RBFOX1: variants seen among roughly 807,000 people sequenced by gnomAD.
RBFOX1 encodes the protein RNA binding fox-1 homolog 1.
A neutral mutation model predicts 57.7 loss-of-function variants in RBFOX1; 8 were observed. The ratio of observed to expected loss-of-function variants is 0.14; its 90% CI spans 0.08 to 0.25. The LOEUF is 0.25. Among genes scored for constraint, RBFOX1 ranks in the 10% least tolerant of loss-of-function variants. The probability of loss-of-function intolerance (pLI) is 1.00; values close to 1 mark genes in which losing one functional copy is unlikely to be tolerated. For missense variants in RBFOX1, 611 were observed against 548.5 expected (o/e 1.11, Z -1.14); for synonymous variants, 326 against 222.4 (o/e 1.47, Z -4.15).
intron 1 of RBFOX1, among the ~76,000 whole-genome samples, chr16:6,169,848 T>A (rs201211435): frequency 5.8e-5 from 7 of 120,158 alleles, no homozygotes; most frequent in Admixed American, 9.4e-5. Context: ...CACTGCAACC[T>A]CTGCCACCTG....
chr16:6,851,061 G>T (rs2094032548), intron 3 of RBFOX1, among the ~76,000 whole-genome samples: 1 of 152,158 alleles, frequency 6.6e-6, no homozygotes, highest in Non-Finnish European at 1.5e-5. Flanking sequence ...AATTATTGAT[G>T]ATAGACACAC....
chr16:6,075,261 C>G (rs1214428666), intron 1 of RBFOX1, among the ~76,000 whole-genome samples: 1 of 152,136 alleles, frequency 6.6e-6, no homozygotes, highest in Non-Finnish European at 1.5e-5. Flanking sequence ...CTTTGATGAG[C>G]TTTGAGAAAT....
In RBFOX1 at chr16:6,128,294, A is replaced by T. The variant is rs144069517; in HGVS notation, c.-127+108302A>T. On this transcript the variant is annotated intron_variant, in intron 1 of 15. Transcript: ENST00000550418. ...CAGCTATTAGAAAATTTAAAATCGT[A>T]TATATCTTACATTATGTTTTTATTT... Among the ~76,000 whole-genome samples the T allele has an allele frequency of 2.8e-3, 423 of 152,314 alleles. 2 individuals are homozygous for T. Among genetic ancestry groups the T allele is most frequent in the South Asian group, 6.4e-3 (31 of 4,830 alleles).
At chr16:5,757,495 G>T (rs2053442875) in intron 3 of RBFOX1, among the ~76,000 whole-genome samples, 1 of 152,144 alleles carries the variant, frequency 6.6e-6, no homozygotes, top group African/African-American at 2.4e-5. Flanking sequence ...CTCCAAAAGT[G>T]CTGGGATTAC....
intron 2 of RBFOX1, among the ~76,000 whole-genome samples, chr16:6,461,571 A>T (rs1253606246): frequency 6.6e-6 from 1 of 152,254 alleles, no homozygotes; most frequent in Non-Finnish European, 1.5e-5. Flanking sequence ...GTGGCTGGAT[A>T]AAACAGAAAT....
chr16:5,933,322 C>T (rs1646841924), intron 4 of RBFOX1, among the ~76,000 whole-genome samples: 1 of 152,158 alleles, frequency 6.6e-6, no homozygotes, highest in South Asian at 2.1e-4. Context: ...TTACTAAATG[C>T]AATTCCTGTT....
intron 2 of RBFOX1, among the ~76,000 whole-genome samples, chr16:6,531,987 G>A (rs562635521): frequency 2.0e-5 from 3 of 152,278 alleles, no homozygotes; most frequent in African/African-American, 7.2e-5. Flanking sequence ...AGTGTTGGTA[G>A]CATGACAGGC....
chr16:6,018,729 C>T (rs2095016604), upstream of RBFOX1, among the ~76,000 whole-genome samples: 1 of 152,200 alleles, frequency 6.6e-6, no homozygotes, highest in Non-Finnish European at 1.5e-5. Context: ...GCTGCCTCCA[C>T]TTGGCGTCTC....
chr16:6,689,367 A>G (rs1001303604), intron 3 of RBFOX1, among the ~76,000 whole-genome samples: 15 of 152,188 alleles, frequency 9.9e-5, no homozygotes, highest in African/African-American at 3.6e-4. Context: ...CACATATATT[A>G]TATATGAAAA....
In RBFOX1 at chr16:5,856,573, G is replaced by A. The variant is rs57075282; in HGVS notation, c.319-10730G>A. Among the ~76,000 whole-genome samples, 245 of 25,386 alleles carry A rather than the reference G, an allele frequency of 9.7e-3. 1 individual carries two copies. The highest frequency in any genetic ancestry group is 0.016 in the African/African-American group (103 of 6,464). 16.7% of individuals were successfully genotyped at this position (25,386 alleles called of 152,430 possible). ...TGTGTGTGTGTGTGTATGTGTGTGTGTGTATATATATATATATATATATAT... is the reference window on the plus strand; with the variant it reads ...TGTGTGTGTGTGTGTATGTGTGTGTATGTATATATATATATATATATATAT... On this transcript the variant is annotated intron_variant, in intron 3 of 19. Coordinates refer to the RBFOX1 transcript ENST00000641259.
intron 4 of RBFOX1, among the ~76,000 whole-genome samples, chr16:7,185,474 C>G (rs1044744621): frequency 1.3e-5 from 2 of 152,148 alleles, no homozygotes; most frequent in Non-Finnish European, 2.9e-5. Context: ...CTATCTGGGT[C>G]TAGTGCCTCC....
chr16:7,391,617 T>G (rs1234338734), intron 4 of RBFOX1, among the ~76,000 whole-genome samples: 1 of 152,224 alleles, frequency 6.6e-6, no homozygotes, highest in Non-Finnish European at 1.5e-5. Flanking sequence ...ATTTGTAGCT[T>G]GCATCATCAT....
chr16:6,087,398 A>C (rs918265285), intron 1 of RBFOX1, among the ~76,000 whole-genome samples: 2 of 152,152 alleles, frequency 1.3e-5, no homozygotes, highest in Admixed American at 6.5e-5. Flanking sequence ...AAATAGGATA[A>C]AAAGAAGTTC....
chr16:7,438,378 T>C (rs1022573043), intron 4 of RBFOX1, among the ~76,000 whole-genome samples: 1 of 152,040 alleles, frequency 6.6e-6, no homozygotes, highest in African/African-American at 2.4e-5. Flanking sequence ...ACGGTGAGCA[T>C]GATGGTGAGA....
At chr16:6,470,384 C>G (rs894148209) in intron 2 of RBFOX1, among the ~76,000 whole-genome samples, 1 of 152,162 alleles carries the variant, frequency 6.6e-6, no homozygotes, top group Non-Finnish European at 1.5e-5. Flanking sequence ...TATATGAAAG[C>G]TTACTGATGG....
chr16:5,943,041 C>A (rs776285290), intron 4 of RBFOX1, among the ~76,000 whole-genome samples: 1 of 152,148 alleles, frequency 6.6e-6, no homozygotes, highest in Non-Finnish European at 1.5e-5. Context: ...GGGCCATGAC[C>A]CCACTGTTCT....
intron 4 of RBFOX1, among the ~76,000 whole-genome samples, chr16:7,251,428 G>T (rs1278893179): frequency 6.7e-6 from 1 of 148,734 alleles, no homozygotes; most frequent in African/African-American, 2.5e-5. Flanking sequence ...TTTTCTGTGG[G>T]GGATGGAGTT....
intron 4 of RBFOX1, among the ~76,000 whole-genome samples, chr16:7,204,064 G>C (rs976884717): frequency 6.6e-6 from 1 of 152,246 alleles, no homozygotes; most frequent in Non-Finnish European, 1.5e-5. Context: ...GACTTCTCCA[G>C]ATTTCCATAT....
At chr16:7,110,540 C>G (rs148532228) in intron 4 of RBFOX1, among the ~76,000 whole-genome samples, 1 of 152,258 alleles carries the variant, frequency 6.6e-6, no homozygotes, top group South Asian at 2.1e-4. Context: ...ACAATAAAAT[C>G]TAAGAACTTC....
Sources: allele counts gnomAD v4.1 joint callset (sites outside exome capture counted in the v4.1 genomes callset), GRCh38; gene constraint gnomAD v4.1.1; transcripts MANE v1.5; gene names NCBI Gene and HGNC (gene_info 2026-07-23, HGNC 2026-07-21).